LRBA: variants seen among roughly 807,000 people sequenced by gnomAD.
The protein encoded by LRBA is LPS responsive beige-like anchor protein.
LRBA carries 176 observed loss-of-function variants against 330.0 expected under a neutral mutation model. The ratio of observed to expected loss-of-function variants is 0.53; its 90% CI spans 0.47 to 0.60. The LOEUF (loss-of-function observed/expected upper bound fraction) is 0.60, where lower values mean the gene tolerates loss of function less well. Ranked by LOEUF, LRBA falls within the 20% of genes least tolerant of loss-of-function variation. The pLI is 0.00. For missense variants in LRBA, 3,259 were observed against 3,444.8 expected (o/e 0.95, Z 1.35); for synonymous variants, 1,230 against 1,193.0 (o/e 1.03, Z -0.64).
At chr4:150,521,543 G>C (rs927135318) in intron 40 of LRBA, among the ~76,000 whole-genome samples, 2 of 152,036 alleles carry the variant, frequency 1.3e-5, no homozygotes, top group African/African-American at 4.8e-5. Flanking sequence ...GCATGAGCCA[G>C]GGTACCCAGC....
intron 34 of LRBA, among the ~76,000 whole-genome samples, chr4:150,789,312 C>T (rs1028230891): frequency 6.6e-6 from 1 of 152,046 alleles, no homozygotes; most frequent in South Asian, 2.1e-4. Context: ...GTTCAAGCCT[C>T]AAATTTTGCT....
chr4:150,340,818 C>A (rs1019807994), intron 48 of LRBA, among the ~76,000 whole-genome samples: 1 of 152,136 alleles, frequency 6.6e-6, no homozygotes, highest in African/African-American at 2.4e-5. Flanking sequence ...CCTTCCCCTT[C>A]ATGTAATCAG....
At chr4:150,849,803 T>C (rs1750385210) in intron 24 of LRBA, among the ~76,000 whole-genome samples, 1 of 152,184 alleles carries the variant, frequency 6.6e-6, no homozygotes, top group South Asian at 2.1e-4. Context: ...TAAATACTAT[T>C]CATTTTACAC....
chr4:150,610,466 G>A (rs1159415326), intron 37 of LRBA, among the ~76,000 whole-genome samples: 1 of 152,174 alleles, frequency 6.6e-6, no homozygotes, highest in Non-Finnish European at 1.5e-5. Context: ...GTGTGTGCCT[G>A]TAATCCCAGC....
intron 36 of LRBA, among the ~76,000 whole-genome samples, chr4:150,728,241 G>C (rs1313394212): frequency 1.3e-5 from 2 of 152,048 alleles, no homozygotes; most frequent in Non-Finnish European, 2.9e-5. Context: ...AGAAAAGCCT[G>C]GGGCCAGATG....
At chr4:150,301,730 G>C (rs1288660970) in intron 53 of LRBA, among the ~76,000 whole-genome samples, 2 of 152,074 alleles carry the variant, frequency 1.3e-5, no homozygotes, top group African/African-American at 2.4e-5. Context: ...CAAGGACCGG[G>C]TATTCAGGTA....
Position 150,615,830 on chromosome 4 carries a change from C to G in LRBA, c.5922-16699G>C, listed in dbSNP as rs189631662. 1.9e-3 allele frequency among the ~76,000 whole-genome samples: 289 copies of G among 152,044 alleles called. 1 individual carries two copies. Among genetic ancestry groups the G allele is most frequent in the African/African-American group, 6.7e-3 (276 of 41,482 alleles). The stretch of plus-strand genomic sequence containing the variant: ...TGACTGAGTTGTAGCCAGTGACATG[C>G]AAGCAGAAGTGATTGAGGCACACTT... On this transcript the variant is annotated intron_variant, in intron 37 of 56. Transcript: ENST00000651943.
rs138596045 is a variant in LRBA at position 150,588,594 on chromosome 4, G to C, written c.6194-410C>G. On this transcript the variant is annotated intron_variant, in intron 39 of 56. Transcript: ENST00000651943. ...AATAGGCTTCCAAGGCCAGCAGTTAGCTTACAGTATGGTAGAGGCATGGCT... is the reference window on the plus strand; with the variant it reads ...AATAGGCTTCCAAGGCCAGCAGTTACCTTACAGTATGGTAGAGGCATGGCT... 4.0e-3 allele frequency among the ~76,000 whole-genome samples: 613 copies of C among 152,304 alleles called. 5 individuals are homozygous for C. The highest frequency in any genetic ancestry group is 0.014 in the African/African-American group (592 of 41,558).
At chr4:150,586,241 A>C (rs542815635) in intron 40 of LRBA, among the ~76,000 whole-genome samples, 1 of 152,218 alleles carries the variant, frequency 6.6e-6, no homozygotes, top group Non-Finnish European at 1.5e-5. Flanking sequence ...AAGAATATCT[A>C]TAAGTGACCA....
intron 26 of LRBA, among the ~76,000 whole-genome samples, 190 bp from the exon 27 acceptor site, chr4:150,844,969 G>A (rs978588483): frequency 1.3e-5 from 2 of 152,122 alleles, no homozygotes; most frequent in African/African-American, 2.4e-5. Flanking sequence ...TAGCTTCCAT[G>A]CTGTGGCCCA....
chr4:150,672,649 A>G (rs989778396), intron 37 of LRBA, among the ~76,000 whole-genome samples: 6 of 152,136 alleles, frequency 3.9e-5, no homozygotes, highest in African/African-American at 1.4e-4. Flanking sequence ...GATCAGAGAT[A>G]TAAGTAACAA....
intron 40 of LRBA, among the ~76,000 whole-genome samples, chr4:150,567,129 A>G (rs1769236933): frequency 6.6e-6 from 1 of 152,116 alleles, no homozygotes; most frequent in Non-Finnish European, 1.5e-5. Context: ...ACTATATAAC[A>G]TTGTTTAGAC....
chr4:150,936,120 A>C (rs2149519787), intron 2 of LRBA, among the ~76,000 whole-genome samples: 1 of 152,238 alleles, frequency 6.6e-6, no homozygotes, highest in South Asian at 2.1e-4. Context: ...GAAATTATTA[A>C]TGCTCAAAGT....
chr4:150,940,555 A>G (rs1735558866), intron 2 of LRBA, among the ~76,000 whole-genome samples: 1 of 152,206 alleles, frequency 6.6e-6, no homozygotes, highest in Non-Finnish European at 1.5e-5. Flanking sequence ...TACTTTACAC[A>G]TATCTTTTTA....
chr4:150,608,203 C>A (rs1447775195), intron 37 of LRBA, among the ~76,000 whole-genome samples: 1 of 151,990 alleles, frequency 6.6e-6, no homozygotes, highest in Non-Finnish European at 1.5e-5. Flanking sequence ...AGAGTGAGAT[C>A]CTGTCTCAAA....
intron 36 of LRBA, among the ~76,000 whole-genome samples, chr4:150,703,023 T>C (rs1217760341): frequency 6.6e-6 from 1 of 152,094 alleles, no homozygotes; most frequent in Non-Finnish European, 1.5e-5. Flanking sequence ...TAGCCAGGCG[T>C]CATAGTGGAC....
At chr4:150,690,679 GAAA>G (rs11372196) in intron 36 of LRBA, among the ~76,000 whole-genome samples, 4 of 146,706 alleles carry the variant, frequency 2.7e-5, no homozygotes, top group Non-Finnish European at 6.0e-5. Flanking sequence ...ATCCACATGA[GAAA>G]AAAAAAAAGA....
intron 38 of LRBA, 113 bp downstream of exon 38, chr4:150,598,893 AC>A: frequency 1.6e-6 from 2 of 1,259,222 alleles, no homozygotes; most frequent in Non-Finnish European, 2.2e-6. Context: ...GGTATGAACA[AC>A]CATAAAATGT....
chr4:150,695,171 T>C (rs936183041), intron 36 of LRBA, among the ~76,000 whole-genome samples: 3 of 152,234 alleles, frequency 2.0e-5, no homozygotes, highest in Non-Finnish European at 2.9e-5. Flanking sequence ...ATGGCTGCTA[T>C]CTGTGTTCAA....
Sources: allele counts gnomAD v4.1 joint callset (sites outside exome capture counted in the v4.1 genomes callset), GRCh38; gene constraint gnomAD v4.1.1; transcripts MANE v1.5; gene names NCBI Gene and HGNC (gene_info 2026-07-23, HGNC 2026-07-21).